Variants in ANO3 observed in about 807,000 individuals in gnomAD.
The protein encoded by ANO3 is anoctamin-3.
In ANO3, 99 loss-of-function variants were observed where a neutral mutation model predicts 144.8. That is an observed-to-expected ratio of 0.68 (90% CI 0.58 to 0.81). The LOEUF is 0.81. Among genes scored for constraint, ANO3 ranks in the 30% least tolerant of loss-of-function variants. ANO3 has a pLI of 0.00. For missense variants in ANO3, 905 were observed against 1,202.2 expected (o/e 0.75, Z 3.66); for synonymous variants, 414 against 392.6 (o/e 1.05, Z -0.64).
intron 17 of ANO3, among the ~76,000 whole-genome samples, chr11:26,621,645 T>A (rs977245148): frequency 5.3e-5 from 8 of 152,158 alleles, no homozygotes; most frequent in African/African-American, 1.9e-4. Flanking sequence ...ATTATGTATT[T>A]ATTTGCCATT....
chr11:26,553,235 TG>T lies in ANO3; in HGVS notation c.1290-13del, dbSNP rs59938249. 0.6 allele frequency: 760,816 copies of T among 1,262,280 alleles called. 188,286 individuals are homozygous for T. Among genetic ancestry groups the T allele is most frequent in the Middle Eastern group, 0.65 (3,155 of 4,888 alleles). The allele number at this position is 1,262,280 out of a possible 1,614,324, so 78.2% of individuals were successfully genotyped here. On this transcript the variant is annotated splice_polypyrimidine_tract_variant and intron_variant, in intron 12 of 26. Coordinates refer to ENST00000256737, the MANE Select transcript of ANO3 (RefSeq NM_031418.4). ...CTATGTTTTGTTTTGTTTTTGTTTT[TG>T]TTTTTTCTCAAGCCAAGAAATTTGT...
intron 1 of ANO3, among the ~76,000 whole-genome samples, chr11:26,397,729 A>T (rs964329063): frequency 2.0e-5 from 3 of 152,216 alleles, no homozygotes; most frequent in African/African-American, 7.2e-5. Context: ...CTAGATATTT[A>T]AAACTGCAAA....
chr11:26,210,456 T>C (rs952420678), intron 1 of ANO3, among the ~76,000 whole-genome samples: 2 of 152,204 alleles, frequency 1.3e-5, no homozygotes, highest in African/African-American at 4.8e-5. Context: ...AGAATTGTCT[T>C]GGCTATATGG....
intron 11 of ANO3, among the ~76,000 whole-genome samples, chr11:26,542,835 T>TATAA (rs3038208): frequency 0.71 from 107,770 of 151,596 alleles, 38,607 homozygotes; most frequent in East Asian, 0.84. Flanking sequence ...TTTAGTTAAC[T>TATAA]ATATTTATAG....
chr11:26,629,579 C>A (rs756218170), intron 18 of ANO3, among the ~76,000 whole-genome samples: 5 of 152,118 alleles, frequency 3.3e-5, no homozygotes, highest in Non-Finnish European at 4.4e-5. Flanking sequence ...GGAGACAGAC[C>A]ATTAGACTAT....
At chr11:26,642,570 T>TG (rs1853202070) in intron 22 of ANO3, among the ~76,000 whole-genome samples, 1 of 125,084 alleles carries the variant, frequency 8.0e-6, no homozygotes, top group Non-Finnish European at 1.9e-5. Context: ...CAGGCTGGTC[T>TG]CAACTCCTGA....
At chr11:26,473,147 C>T (rs1458431671) in intron 4 of ANO3, among the ~76,000 whole-genome samples, 1 of 151,872 alleles carries the variant, frequency 6.6e-6, no homozygotes, top group Non-Finnish European at 1.5e-5. Context: ...TTTCTTGAAC[C>T]TGCTAGAAAA....
At chr11:26,536,722 C>G (rs1407606956) in intron 9 of ANO3, among the ~76,000 whole-genome samples, 1 of 152,012 alleles carries the variant, frequency 6.6e-6, no homozygotes, top group Non-Finnish European at 1.5e-5. Flanking sequence ...CATCAAATCA[C>G]TATTATTTAC....
intron 17 of ANO3, among the ~76,000 whole-genome samples, chr11:26,619,309 T>C (rs185099885): frequency 5.1e-4 from 77 of 152,250 alleles, no homozygotes; most frequent in African/African-American, 1.7e-3. Context: ...CATTCCTAAA[T>C]AAATATTTAA....
At chr11:26,542,373 C>A (rs1849669141) in intron 11 of ANO3, among the ~76,000 whole-genome samples, 1 of 151,944 alleles carries the variant, frequency 6.6e-6, no homozygotes, top group African/African-American at 2.4e-5. Context: ...TACTTATGTA[C>A]CATTGCTAGG....
intron 1 of ANO3, among the ~76,000 whole-genome samples, chr11:26,407,577 A>G (rs1346397336): frequency 6.6e-6 from 1 of 151,822 alleles, no homozygotes; most frequent in Admixed American, 6.6e-5. Context: ...GCCCTCCTAT[A>G]GATTACTGAA....
chr11:26,539,133 T>TACACACACAC (rs68138224), intron 10 of ANO3, among the ~76,000 whole-genome samples: 3 of 149,200 alleles, frequency 2.0e-5, no homozygotes, highest in African/African-American at 7.4e-5. Context: ...ACAAGAGAAA[T>TACACACACAC]ACACACACAC....
Position 26,565,434 on chromosome 11 carries a change from G to A in ANO3, c.1447+5655G>A, listed in dbSNP as rs1224069383. 1.9e-6 allele frequency: 3 copies of A among 1,613,330 alleles called. No homozygotes were observed. The highest frequency in any genetic ancestry group is 2.7e-5 in the African/African-American group (2 of 74,860). Reference sequence around the variant, plus strand: ...AGTGAAGTTTTCTGAAGACAGAGCAGGTGTAGCATTGGGATGTGCTGAGAT... The same window carrying A: ...AGTGAAGTTTTCTGAAGACAGAGCAAGTGTAGCATTGGGATGTGCTGAGAT... On this transcript the variant is annotated intron_variant, in intron 14 of 26. Coordinates refer to ENST00000256737, the MANE Select transcript of ANO3 (RefSeq NM_031418.4).
exon 1 of ANO3, chr11:26,309,637 TCTCACAGGTCTGCAAA>T (rs1362334491): frequency 1.0e-6 from 1 of 985,064 alleles, no homozygotes; most frequent in Admixed American, 6.2e-5. Flanking sequence ...TTTTGTTCTC[TCTCACAGGTCTGCAAA>T]AGTTGTGCTT....
intron 1 of ANO3, among the ~76,000 whole-genome samples, chr11:26,335,967 G>A (rs1308662496): frequency 2.6e-5 from 4 of 152,192 alleles, no homozygotes; most frequent in Non-Finnish European, 5.9e-5. Context: ...AGTAAAAAGT[G>A]AGACATCTGT....
At chr11:26,613,753 ATGTC>A (rs141929909) in intron 17 of ANO3, among the ~76,000 whole-genome samples, 2,028 of 152,274 alleles carry the variant, frequency 0.013, 55 homozygotes, top group African/African-American at 0.047. Flanking sequence ...CTTGTCAGTG[ATGTC>A]TGTGATATTG....
intron 5 of ANO3, among the ~76,000 whole-genome samples, chr11:26,513,755 CA>C (rs1388575286): frequency 1.3e-5 from 2 of 152,098 alleles, no homozygotes; most frequent in African/African-American, 4.8e-5. Context: ...AGGAAGAATA[CA>C]AATGATCAGT....
chr11:26,374,732 T>C (rs952106545), intron 1 of ANO3, among the ~76,000 whole-genome samples: 2 of 152,136 alleles, frequency 1.3e-5, no homozygotes, highest in African/African-American at 4.8e-5. Context: ...ATTACATTTA[T>C]TGTGCACTTT....
At chr11:26,395,133 T>C (rs1856977722) in intron 1 of ANO3, among the ~76,000 whole-genome samples, 1 of 152,172 alleles carries the variant, frequency 6.6e-6, no homozygotes, top group Admixed American at 6.6e-5. Context: ...CATTGGTCTA[T>C]TTATCTGTTT....
Sources: gnomAD v4.1 joint callset for allele counts (sites outside exome capture counted in the v4.1 genomes callset) on GRCh38, gnomAD v4.1.1 for gene constraint, MANE v1.5 for transcripts, NCBI Gene and HGNC (gene_info 2026-07-23, HGNC 2026-07-21) for gene names.